ZFYVE26: variants seen among roughly 807,000 people sequenced by gnomAD.
The protein encoded by ZFYVE26 is zinc finger FYVE-type containing 26, also known as zinc finger FYVE domain-containing protein 26.
A neutral mutation model predicts 276.5 loss-of-function variants in ZFYVE26; 181 were observed. The ratio of observed to expected loss-of-function variants is 0.65; its 90% CI spans 0.58 to 0.74. The LOEUF is 0.74. Ranked by LOEUF, ZFYVE26 falls within the 30% of genes least tolerant of loss-of-function variation. ZFYVE26 has a pLI of 0.00. For synonymous variants in ZFYVE26, 1,129 were observed against 1,203.1 expected (o/e 0.94, Z 1.27); for missense variants, 2,821 against 3,097.9 (o/e 0.91, Z 2.12).
intron 41 of ZFYVE26, 79 bp from the exon 42 acceptor site, chr14:67,748,718 C>T (rs934705772): frequency 4.0e-6 from 6 of 1,495,436 alleles, no homozygotes; most frequent in Admixed American, 1.9e-5. Context: ...GCAGAAAGCT[C>T]GGGCAGACAG....
intron 28 of ZFYVE26, among the ~76,000 whole-genome samples, chr14:67,771,442 T>C (rs1283954320): frequency 6.6e-6 from 1 of 152,224 alleles, no homozygotes; most frequent in Non-Finnish European, 1.5e-5. Flanking sequence ...TTACACCTCT[T>C]TTATAGATGA....
intron 35 of ZFYVE26, among the ~76,000 whole-genome samples, chr14:67,759,244 G>GAAAA (rs1171265652): frequency 1.2e-4 from 10 of 81,636 alleles, no homozygotes; most frequent in African/African-American, 4.0e-4. Context: ...GACTCTGTCT[G>GAAAA]AAAAAAAAAA....
rs1328460247 is a variant in ZFYVE26, at chr14:67,799,080, A to T, written c.1640-458T>A. The T allele has an allele frequency of 3.3e-6, 4 of 1,195,774 alleles. No homozygotes were observed. In the African/African-American group the frequency reaches 5.9e-5, roughly 18 times the overall value. The allele number at this position is 1,195,774 out of a possible 1,614,324, so 74.1% of individuals were successfully genotyped here. ...GTGTACGATGAGCAGGGAACAGTGG[A>T]CGAGGACTCTCCAGTGCTCACCCAA... On this transcript the variant is annotated intron_variant, in intron 10 of 41. Coordinates refer to ENST00000347230, the MANE Select transcript of ZFYVE26 (RefSeq NM_015346.4).
intron 23 of ZFYVE26, among the ~76,000 whole-genome samples, chr14:67,778,796 C>T (rs986311052): frequency 6.8e-6 from 1 of 147,578 alleles, no homozygotes; most frequent in Non-Finnish European, 1.5e-5. Context: ...TCAAATATTC[C>T]CACATGGTGG....
rs570114196 is a variant in ZFYVE26 at position 67,793,622 on chromosome 14, C to T, written c.2539G>A (p.Ala847Thr). ...LASCILRGNF[A>T]EAHQVLFTFN... ...CCTCCCCTCACCTGATGGGCTTCTGCGAAGTTCCCGCGAAGGATGCAGGAT... is the reference window on the plus strand; with the variant it reads ...CCTCCCCTCACCTGATGGGCTTCTGTGAAGTTCCCGCGAAGGATGCAGGAT... Residue 847 changes from alanine (A) to threonine (T), a missense_variant, in exon 14 of 42, where the codon GCA (alanine) becomes ACA (threonine). Transcript: ENST00000347230. 3.5e-5 allele frequency: 57 copies of T among 1,613,528 alleles called. No homozygotes were observed. The highest frequency in any genetic ancestry group is 4.5e-5 in the East Asian group (2 of 44,850).
intron 16 of ZFYVE26, among the ~76,000 whole-genome samples, chr14:67,786,835 C>G (rs796078444): frequency 3.7e-4 from 56 of 152,324 alleles, no homozygotes; most frequent in African/African-American, 1.3e-3. Context: ...GATACATATA[C>G]ACAATGGAGT....
chr14:67,779,478 T>C (rs1339617619), intron 23 of ZFYVE26, among the ~76,000 whole-genome samples: 1 of 151,940 alleles, frequency 6.6e-6, no homozygotes, highest in Non-Finnish European at 1.5e-5. Flanking sequence ...AGGAGAATCA[T>C]CTGAACCCGG....
At position 67,748,115 on chromosome 14, in the gene ZFYVE26, C is replaced by T. The variant is rs1272839144; in HGVS notation, c.*321G>A. Reference sequence around the variant, plus strand: ...TAAATGGAGAAGAGTTTCATTTGTTCAGAAATGCTTGGGCGTAAACATCAG... The same window carrying T: ...TAAATGGAGAAGAGTTTCATTTGTTTAGAAATGCTTGGGCGTAAACATCAG... On this transcript the variant is annotated 3_prime_UTR_variant, in exon 42 of 42. Coordinates refer to ENST00000347230, the MANE Select transcript of ZFYVE26 (RefSeq NM_015346.4). 2.8e-6 allele frequency: 1 copy of T among 360,184 alleles called. No homozygotes were observed. Among genetic ancestry groups the T allele is most frequent in the Admixed American group, 4.3e-5 (1 of 23,474 alleles). The allele number at this position is 360,184 out of a possible 1,614,324, so 22.3% of individuals were successfully genotyped here.
rs150477532 is a variant in ZFYVE26, at chr14:67,769,637, G to A, written c.5578C>T (p.Pro1860Ser). 6 of 1,613,864 alleles carry A rather than the reference G, an allele frequency of 3.7e-6. No homozygotes were observed. Among genetic ancestry groups the A allele is most frequent in the African/African-American group, 2.7e-5 (2 of 74,884 alleles). ...TAGCACTGATCACACACACGAGCAG[G>A]GTTCTCTCTGCAGCCTTCAACCACC... ...KMVVEGCREN[P>S]ARVCDQCYSY... Residue 1860 changes from proline to serine, a missense_variant, in exon 29 of 42, where the codon CCT becomes TCT. By Grantham distance (74) the Pro-to-Ser change is moderately conservative. Coordinates refer to ENST00000347230, the MANE Select transcript of ZFYVE26 (RefSeq NM_015346.4).
rs2040351585 is a variant in ZFYVE26, at chr14:67,814,027, C to T, written c.232G>A (p.Val78Ile). Reference protein sequence around the residue: ...QDINPQRVAWVWLLVLEKWLA... With the variant: ...QDINPQRVAWIWLLVLEKWLA... ...CATTTCTCCAGTACAAGAAGCCAGACCCAGGCTACTCTTTGAGGGTTGATG... is the reference window on the plus strand; with the variant it reads ...CATTTCTCCAGTACAAGAAGCCAGATCCAGGCTACTCTTTGAGGGTTGATG... Residue 78 changes from valine (V) to isoleucine (I), a missense_variant, in exon 3 of 42, where the codon GTC becomes ATC. Physicochemically the swap from Val to Ile is conservative, Grantham distance 29. Coordinates refer to ENST00000347230, the MANE Select transcript of ZFYVE26 (RefSeq NM_015346.4). The T allele has an allele frequency of 1.2e-6, 2 of 1,613,872 alleles. No homozygotes were observed. The highest frequency in any genetic ancestry group is 1.3e-5 in the African/African-American group (1 of 74,918).
In ZFYVE26 at chr14:67,794,176, G is replaced by A. The variant is rs200179480; in HGVS notation, c.2396C>T (p.Thr799Met). ...ESTSSELSTS[T>M]SEGSLSAMSG... ...ACTGGTGGAAATCTGCATACCTGAC[G>A]TACTTGTGCTCAGCTCACTACTTGT... Residue 799 changes from threonine to methionine, a missense_variant, in exon 13 of 42, where the codon ACG becomes ATG. Physicochemically the swap from Thr to Met is moderately conservative, Grantham distance 81. Transcript: ENST00000347230. The A allele has an allele frequency of 1.2e-4, 189 of 1,614,178 alleles. No individual in the cohort carries two copies. Among genetic ancestry groups the A allele is most frequent in the East Asian group, 2.2e-4 (10 of 44,890 alleles).
At position 67,777,729 on chromosome 14, in the gene ZFYVE26, G is replaced by C. The variant is rs558285072; in HGVS notation, c.4804C>G (p.Arg1602Gly). ...RDHDKALQLL[R>G]RIPDPTMCLE... ...CACATGGTGGGGTCAGGGATTCTTC[G>C]CAGGAGCTATTGTCAAAGGGTAGAG... The change falls in exon 25 of 42, where the codon CGA becomes GGA. Residue 1602 changes from arginine to glycine, a missense_variant. Transcript: ENST00000347230. The C allele has an allele frequency of 1.4e-5, 23 of 1,614,168 alleles. No homozygotes were observed. The highest frequency in any genetic ancestry group is 1.9e-5 in the Non-Finnish European group (22 of 1,180,026).
chr14:67,765,298 A>G (rs1204219518), intron 32 of ZFYVE26, among the ~76,000 whole-genome samples: 1 of 152,226 alleles, frequency 6.6e-6, no homozygotes, highest in East Asian at 1.9e-4. Flanking sequence ...TACACAGTAT[A>G]TACCAGGCTT....
rs750382590 is a variant in ZFYVE26, at chr14:67,797,710, C to G, written c.2294G>C (p.Ser765Thr). ...RRYQPATRHP[S>T]LRRGRRTRRS... ...TCTTGTCCGACGACCCCGGCGGAGA[C>G]TGGGGTGACGTGTGGCAGGCTGGTA... The change falls in exon 12 of 42, where the codon AGT becomes ACT. Residue 765 changes from serine to threonine, a missense_variant. Physicochemically the swap from Ser to Thr is moderately conservative, Grantham distance 58. Coordinates refer to ENST00000347230, the MANE Select transcript of ZFYVE26 (RefSeq NM_015346.4). The G allele has an allele frequency of 6.2e-7, 1 of 1,614,172 alleles. No individual in the cohort carries two copies. The highest frequency in any genetic ancestry group is 1.7e-5 in the Admixed American group (1 of 60,026).
At position 67,794,778 on chromosome 14, in the gene ZFYVE26, A is replaced by G. The variant is rs150089048; in HGVS notation, c.2333-539T>C. On this transcript the variant is annotated intron_variant, in intron 12 of 41. Transcript: ENST00000347230. ...TGGGCAACACTGCAAGACCCCGTCTACACAAAAAATTAAAAACAAATTAGT... is the reference window on the plus strand; with the variant it reads ...TGGGCAACACTGCAAGACCCCGTCTGCACAAAAAATTAAAAACAAATTAGT... Among the ~76,000 whole-genome samples the G allele has an allele frequency of 6.1e-3, 926 of 152,216 alleles. 33 individuals carry two copies. The highest frequency in any genetic ancestry group is 0.053 in the Admixed American group (810 of 15,290).
At chr14:67,734,662 A>T (rs2038329999) in intron 13 of ZFYVE26, among the ~76,000 whole-genome samples, 1 of 152,206 alleles carries the variant, frequency 6.6e-6, no homozygotes, top group African/African-American at 2.4e-5. Context: ...AATCCATCTG[A>T]GTTAGGCAGA....
At chr14:67,800,814 G>T (rs2040061189) in intron 10 of ZFYVE26, among the ~76,000 whole-genome samples, 1 of 151,996 alleles carries the variant, frequency 6.6e-6, no homozygotes, top group South Asian at 2.1e-4. Context: ...CTACAAATAG[G>T]TTAAAAATAG....
intron 3 of ZFYVE26, among the ~76,000 whole-genome samples, chr14:67,811,393 C>G (rs771079827): frequency 2.6e-5 from 4 of 151,856 alleles, no homozygotes; most frequent in Non-Finnish European, 5.9e-5. Context: ...TTCTGGTGAC[C>G]GAGAGGAGCA....
At position 67,755,032 on chromosome 14, in the gene ZFYVE26, C is replaced by T. The variant is rs1452246463; in HGVS notation, c.6986+19G>A. Reference sequence around the variant, plus strand: ...ACCCTTTCTGCCCCACACCAATAGTCCCCTGAACCTCCAGCTACCTTGACA... The same window carrying T: ...ACCCTTTCTGCCCCACACCAATAGTTCCCTGAACCTCCAGCTACCTTGACA... On this transcript the variant is annotated intron_variant, in intron 37 of 41. Coordinates refer to ENST00000347230, the MANE Select transcript of ZFYVE26 (RefSeq NM_015346.4). 7 of 1,613,026 alleles carry T rather than the reference C, an allele frequency of 4.3e-6. No homozygotes were observed. Among genetic ancestry groups the T allele is most frequent in the Non-Finnish European group, 5.9e-6 (7 of 1,179,904 alleles).
Sources: allele counts gnomAD v4.1 joint callset (sites outside exome capture counted in the v4.1 genomes callset), GRCh38; gene constraint gnomAD v4.1.1; transcripts MANE v1.5; gene names NCBI Gene and HGNC (gene_info 2026-07-23, HGNC 2026-07-21).